The following SETD1A variants were observed in gnomAD, a reference collection of about 807,000 sequenced individuals.
The protein encoded by SETD1A is SET domain containing 1A, histone lysine methyltransferase, also known as histone-lysine N-methyltransferase SETD1A.
A neutral mutation model predicts 149.9 loss-of-function variants in SETD1A; 29 were observed. The observed-to-expected ratio is 0.19, with a 90% CI of 0.14 to 0.26. SETD1A has a LOEUF of 0.26. Among genes scored for constraint, SETD1A ranks in the 10% least tolerant of loss-of-function variants. The probability of loss-of-function intolerance (pLI) is 1.00; values close to 1 mark genes in which losing one functional copy is unlikely to be tolerated. For missense variants in SETD1A, 2,109 were observed against 2,353.1 expected, an observed-to-expected ratio of 0.90 and a Z score of 2.15; for synonymous variants, 1,141 against 968.5, an observed-to-expected ratio of 1.18 and a Z score of -3.31.
At position 30,983,948 on chromosome 16, in the gene SETD1A, C is replaced by T. The variant is rs549452424; in HGVS notation, c.5049C>T (p.Asp1683=). The T allele has an allele frequency of 1.2e-6, 2 of 1,614,154 alleles. No individual in the cohort carries two copies. Among genetic ancestry groups the T allele is most frequent in the South Asian group, 2.2e-5 (2 of 91,086 alleles). The change falls in exon 19 of 19, where the codon GAC becomes GAT. Residue 1683 remains aspartate, a synonymous_variant. Coordinates refer to ENST00000262519, the MANE Select transcript of SETD1A (RefSeq NM_014712.3). The surrounding 1 kb of genome is among the most constrained non-coding windows in gnomAD (Gnocchi z 6.8). ...PIGVDEEITY[D]YKFPLEDNKI... is the part of the protein sequence containing the mutation. ...GCGTGGACGAGGAGATCACCTACGA[C>T]TACAAGTTCCCACTGGAAGACAACA...
rs574616934 is a variant in SETD1A at position 30,983,211 on chromosome 16, G to A, written c.4813-424G>A. ...GGGCGGCCTGCCATTTGCATTAGCC[G>A]GTGGCAGCCAACAGGTGCCTGTTTT... On this transcript the variant is annotated intron_variant, in intron 17 of 18. Transcript: ENST00000262519. The surrounding 1 kb of genome is among the most constrained non-coding windows in gnomAD (Gnocchi z 6.8). Among the ~76,000 whole-genome samples, 15 of 152,304 alleles carry A rather than the reference G, an allele frequency of 9.8e-5. No individual in the cohort carries two copies. In the East Asian group the frequency reaches 2.3e-3, roughly 24 times the overall value.
intron 10 of SETD1A, among the ~76,000 whole-genome samples, 180 bp from the exon 11 acceptor site, chr16:30,969,125 C>G (rs969157847): frequency 2.0e-5 from 3 of 152,104 alleles, no homozygotes; most frequent in African/African-American, 7.2e-5. Context: ...AAAACAAATA[C>G]AAAACTATGA....
chr16:30,958,093 T>A (rs1338763142), intron 1 of SETD1A, 129 bp downstream of exon 1: 4 of 139,906 alleles, frequency 2.9e-5, no homozygotes, highest in Non-Finnish European at 6.3e-5. Flanking sequence ...CCGCGCGAGG[T>A]GGGGGGAGGG....
rs1408713043 is a variant in SETD1A at position 30,958,899 on chromosome 16, T to TG, written c.150+20dup. 1 of 1,613,786 alleles carries TG rather than the reference T, an allele frequency of 6.2e-7. No homozygotes were observed. On this transcript the variant is annotated intron_variant, in intron 2 of 18. Transcript: ENST00000262519. ...GTGTCAACGTGAGTGCCCGGGTCTTTGGTTGCCATCCGGGGAGCTCCAGGC... is the reference window on the plus strand; with the variant it reads ...GTGTCAACGTGAGTGCCCGGGTCTTTGGGTTGCCATCCGGGGAGCTCCAGGC...
chr16:30,963,575 A>C, intron 5 of SETD1A, 21 bp downstream of exon 5: 1 of 1,608,326 alleles, frequency 6.2e-7, no homozygotes. Context: ...TGTGGCTACC[A>C]CAGCCCCTAG....
At chr16:30,973,312 G>A (rs967570727) in intron 13 of SETD1A, among the ~76,000 whole-genome samples, 1 of 152,166 alleles carries the variant, frequency 6.6e-6, no homozygotes, top group African/African-American at 2.4e-5. Flanking sequence ...TTCTTAAGTG[G>A]CTATTGTAGA....
intron 4 of SETD1A, among the ~76,000 whole-genome samples, chr16:30,962,032 G>A (rs2056058902): frequency 6.6e-6 from 1 of 150,854 alleles, no homozygotes; most frequent in Non-Finnish European, 1.5e-5. Context: ...TTGCAGAGAT[G>A]AAGTCTCACT....
chr16:30,965,317 T>C lies in SETD1A; in HGVS notation c.1575T>C (p.Asp525=). The C allele has an allele frequency of 2.5e-6, 4 of 1,614,212 alleles. No homozygotes were observed. The highest frequency in any genetic ancestry group is 3.4e-6 in the Non-Finnish European group (4 of 1,180,034). The change falls in exon 7 of 19, where the codon GAT becomes GAC. Residue 525 remains aspartate (D), a synonymous_variant. Coordinates refer to ENST00000262519, the MANE Select transcript of SETD1A (RefSeq NM_014712.3). ...GCAGCATGGTCCTTGGGGCCAGAGA[T>C]ACAGGGAGTGAGGTGCCTTCTGGGT... ...ENSSMVLGAR[D]TGSEVPSGSG...
chr16:30,964,932 T>C lies in SETD1A; in HGVS notation c.1190T>C (p.Phe397Ser). 3 of 1,614,062 alleles carry C rather than the reference T, an allele frequency of 1.9e-6. No individual in the cohort carries two copies. Among genetic ancestry groups the C allele is most frequent in the Non-Finnish European group, 2.5e-6 (3 of 1,179,892 alleles). The change falls in exon 7 of 19, where the codon TTT becomes TCT. Residue 397 changes from phenylalanine (F) to serine (S), a missense_variant. Coordinates refer to ENST00000262519, the MANE Select transcript of SETD1A (RefSeq NM_014712.3). ...CGGGAGGAACCCCCTGGAGCCCCTT[T>C]TGCTGAAAATACAGCTGAGCGCTTC... Reference protein sequence around the residue: ...ATREEPPGAPFAENTAERFPP... With the variant: ...ATREEPPGAPSAENTAERFPP...
chr16:30,970,267 AT>A (rs34020035), intron 12 of SETD1A, among the ~76,000 whole-genome samples: 62,064 of 117,724 alleles, frequency 0.53, 16,925 homozygotes, highest in East Asian at 0.89. Flanking sequence ...CCACACCCAG[AT>A]TTTTTTTTTT....
At chr16:30,958,959 CG>C in intron 2 of SETD1A, 78 bp downstream of exon 2, 1 of 1,560,280 alleles carries the variant, frequency 6.4e-7, no homozygotes, top group Non-Finnish European at 8.8e-7. Flanking sequence ...GCACCTAGAA[CG>C]GTAGCCTGCC....
intron 10 of SETD1A, 44 bp downstream of exon 10, chr16:30,967,632 T>C: frequency 6.4e-7 from 1 of 1,550,612 alleles, no homozygotes; most frequent in Non-Finnish European, 8.9e-7. Context: ...GCTGCGTGGG[T>C]TCTGATGGGA....
In SETD1A at chr16:30,965,324, A is replaced by G; in HGVS notation, c.1582A>G (p.Ser528Gly). ...SMVLGARDTGSEVPSGSGHGP... is the reference protein window; with the variant it reads ...SMVLGARDTGGEVPSGSGHGP... Reference sequence around the variant, plus strand: ...GGTCCTTGGGGCCAGAGATACAGGGAGTGAGGTGCCTTCTGGGTCAGGGCA... The same window carrying G: ...GGTCCTTGGGGCCAGAGATACAGGGGGTGAGGTGCCTTCTGGGTCAGGGCA... The change falls in exon 7 of 19, where the codon AGT (serine) becomes GGT (glycine). Residue 528 changes from serine (S) to glycine (G), a missense_variant. Ser to Gly is a moderately conservative substitution (Grantham distance 56). Transcript: ENST00000262519. The G allele has an allele frequency of 6.2e-7, 1 of 1,614,188 alleles. No homozygotes were observed. Among genetic ancestry groups the G allele is most frequent in the Non-Finnish European group, 8.5e-7 (1 of 1,180,036 alleles).
chr16:30,981,743 G>T (rs568399567), intron 17 of SETD1A, among the ~76,000 whole-genome samples: 116 of 152,334 alleles, frequency 7.6e-4, no homozygotes, highest in Non-Finnish European at 1.4e-3. Context: ...CCACACAGAA[G>T]GATGGTGTTC....
At position 30,980,025 on chromosome 16, in the gene SETD1A, C is replaced by A; in HGVS notation, c.4239C>A (p.Arg1413=). The A allele has an allele frequency of 6.3e-7, 1 of 1,575,852 alleles. No individual in the cohort carries two copies. The highest frequency in any genetic ancestry group is 1.1e-5 in the South Asian group (1 of 87,248). ...PPPPPPPPPP[R]AYEPRSEFEQ... ...CCCCACCCCCGCCGCCACCGCCCCG[C>A]GCCTACGAGCCACGCAGTGAGTTTG... Residue 1413 remains arginine (R), a synonymous_variant, in exon 14 of 19, where the codon CGC becomes CGA. Coordinates refer to ENST00000262519, the MANE Select transcript of SETD1A (RefSeq NM_014712.3). The surrounding 1 kb of genome is among the most constrained non-coding windows in gnomAD (Gnocchi z 7.7).
Position 30,965,147 on chromosome 16 carries a change from G to A in SETD1A, c.1405G>A (p.Gly469Ser). The change falls in exon 7 of 19, where the codon GGC becomes AGC. Residue 469 changes from glycine to serine, a missense_variant. Physicochemically the swap from Gly to Ser is moderately conservative, Grantham distance 56 (BLOSUM62 0). Transcript: ENST00000262519. Reference protein sequence around the residue: ...SPRPASPARSGSPAPETTNES... With the variant: ...SPRPASPARSSSPAPETTNES... ...CCGCCCAGCCTCCCCTGCCCGCTCT[G>A]GCTCCCCAGCCCCGGAGACCACCAA... is the stretch of plus-strand genomic sequence containing the variant. 1.2e-6 allele frequency: 2 copies of A among 1,613,228 alleles called. No homozygotes were observed. Among genetic ancestry groups the A allele is most frequent in the Non-Finnish European group, 1.7e-6 (2 of 1,179,928 alleles).
chr16:30,973,313 CTATT>C (rs1463862720), intron 13 of SETD1A, among the ~76,000 whole-genome samples: 2 of 152,080 alleles, frequency 1.3e-5, no homozygotes, highest in African/African-American at 4.8e-5. Flanking sequence ...TCTTAAGTGG[CTATT>C]GTAGAATGTA....
In SETD1A at chr16:30,965,005, C is replaced by T. The variant is rs760433703; in HGVS notation, c.1263C>T (p.Thr421=). The change falls in exon 7 of 19, where the codon ACC becomes ACT. Residue 421 remains threonine (T), a synonymous_variant. Transcript: ENST00000262519. ...TGCCCCCCGAGCCCAGCCGGCCCAC[C>T]GACCAGGACTACCGGCCTCCTGCCT... ...SYLPPEPSRP[T]DQDYRPPASE... is the part of the protein sequence containing the mutation. 2.2e-5 allele frequency: 35 copies of T among 1,613,674 alleles called. No homozygotes were observed. Among genetic ancestry groups the T allele is most frequent in the Middle Eastern group, 3.3e-4 (2 of 6,084 alleles).
At chr16:30,982,696 C>T (rs1428516648) in intron 17 of SETD1A, among the ~76,000 whole-genome samples, 1 of 151,132 alleles carries the variant, frequency 6.6e-6, no homozygotes, top group Non-Finnish European at 1.5e-5. Context: ...GGAGAGGGCC[C>T]CATGGCTAGT....
Sources: gnomAD v4.1 joint callset for allele counts (sites outside exome capture counted in the v4.1 genomes callset) on GRCh38, gnomAD v4.1.1 for gene constraint, Gnocchi (gnomAD v3.1) non-coding constraint, MANE v1.5 for transcripts, NCBI Gene and HGNC (gene_info 2026-07-23, HGNC 2026-07-21) for gene names.